Variants in USP3 observed in about 807,000 individuals in gnomAD.
USP3 encodes ubiquitin specific peptidase 3.
A neutral mutation model predicts 72.3 loss-of-function variants in USP3; 20 were observed. The observed-to-expected ratio is 0.28, with a 90% CI of 0.19 to 0.40. USP3 has a LOEUF of 0.40. Among genes scored for constraint, USP3 ranks in the 10% least tolerant of loss-of-function variants. USP3 has a pLI of 1.00. For synonymous variants in USP3, 222 were observed against 225.3 expected (o/e 0.99, Z 0.13); for missense variants, 479 against 633.9 (o/e 0.76, Z 2.62).
rs1353270594 is a variant in USP3, at chr15:63,544,688, C to T, written c.284+7532C>T. ...GACCGAATGAGGAATATTGTTTTGC[C>T]ATTAAATAAGTGAATAGTGCGAAAT... On this transcript the variant is annotated intron_variant, in intron 3 of 14. Coordinates refer to ENST00000380324, the MANE Select transcript of USP3 (RefSeq NM_006537.4). The surrounding 1 kb of genome is among the most constrained non-coding windows in gnomAD (Gnocchi z 4.2). The T allele has an allele frequency of 4.3e-6, 3 of 701,322 alleles. No homozygotes were observed. Among genetic ancestry groups the T allele is most frequent in the Non-Finnish European group, 7.8e-6 (3 of 384,474 alleles). The allele number at this position is 701,322 out of a possible 1,614,324, so 43.4% of individuals were successfully genotyped here.
intron 11 of USP3, among the ~76,000 whole-genome samples, chr15:63,581,737 C>T (rs2066967781): frequency 6.7e-6 from 1 of 150,304 alleles, no homozygotes; most frequent in Non-Finnish European, 1.5e-5. Context: ...CTCTGTTGCC[C>T]AGGCTAGAGT....
Position 63,570,292 on chromosome 15 carries a change from T to G in USP3, c.762-141T>G. 3 of 1,086,186 alleles carry G rather than the reference T, an allele frequency of 2.8e-6. No individual in the cohort carries two copies. The highest frequency in any genetic ancestry group is 3.9e-6 in the Non-Finnish European group (3 of 769,000). The allele number at this position is 1,086,186 out of a possible 1,614,324, so 67.3% of individuals were successfully genotyped here. A position where few individuals can be genotyped will look rare whatever the true frequency, so the allele number is the denominator to read the frequency against. ...AGAAATTCTGTCACCTGTGGAGCTT[T>G]CGGGCATGAAGGTGAGGAAGCCTGG... is the stretch of plus-strand genomic sequence containing the variant. On this transcript the variant is annotated intron_variant, in intron 8 of 14. Coordinates refer to ENST00000380324, the MANE Select transcript of USP3 (RefSeq NM_006537.4). This position sits in a 1 kb window ranked among gnomAD's most constrained non-coding sequence, Gnocchi z 4.4.
intron 3 of USP3, among the ~76,000 whole-genome samples, chr15:63,550,618 A>C (rs1451250441): frequency 6.6e-6 from 1 of 152,252 alleles, no homozygotes. Context: ...ATTAGGCATT[A>C]TCTCTTCTAA....
At chr15:63,516,370 A>C (rs2065850515) in intron 1 of USP3, among the ~76,000 whole-genome samples, 1 of 152,128 alleles carries the variant, frequency 6.6e-6, no homozygotes, top group Non-Finnish European at 1.5e-5. Context: ...GTTCTCTTAT[A>C]ATATTAGATC....
chr15:63,590,215 C>T (rs2067166354), intron 14 of USP3, among the ~76,000 whole-genome samples: 1 of 152,142 alleles, frequency 6.6e-6, no homozygotes, highest in African/African-American at 2.4e-5. Flanking sequence ...TCTGTTCTAG[C>T]TGCAGGCCTT....
rs1567114310 is a variant in USP3 at position 63,558,094 on chromosome 15, CA to C, written c.451-11del. On this transcript the variant is annotated splice_polypyrimidine_tract_variant and intron_variant, in intron 5 of 14. Coordinates refer to ENST00000380324, the MANE Select transcript of USP3 (RefSeq NM_006537.4). ...TGGCATTACTGATGGCCTCTTCTTG[CA>C]CCACTTACAGGGAAGCACCACTGCC... 6.2e-7 allele frequency: 1 copy of C among 1,614,040 alleles called. No homozygotes were observed. Among genetic ancestry groups the C allele is most frequent in the Admixed American group, 1.7e-5 (1 of 60,006 alleles).
At position 63,591,463 on chromosome 15, in the gene USP3, A is replaced by T. The variant is rs977468162; in HGVS notation, c.*637A>T. On this transcript the variant is annotated 3_prime_UTR_variant, in exon 15 of 15. Transcript: ENST00000380324. ...TCAGTTGTACTTGTCCTGCAAATAC[A>T]AGAATTACTCTCTTTGTTGGTTTTT... 6.6e-6 allele frequency: 1 copy of T among 152,246 alleles called. No individual in the cohort carries two copies. Among genetic ancestry groups the T allele is most frequent in the Non-Finnish European group, 1.5e-5 (1 of 68,064 alleles). The allele number at this position is 152,246 out of a possible 1,614,324, so 9.4% of individuals were successfully genotyped here.
chr15:63,585,855 T>C (rs2067050012), intron 11 of USP3, among the ~76,000 whole-genome samples: 1 of 151,638 alleles, frequency 6.6e-6, no homozygotes, highest in Non-Finnish European at 1.5e-5. Flanking sequence ...TTCTTCAATG[T>C]TGTATTTGCT....
At chr15:63,563,492 C>T (rs953189125) in intron 8 of USP3, among the ~76,000 whole-genome samples, 82 of 152,338 alleles carry the variant, frequency 5.4e-4, no homozygotes, top group African/African-American at 1.9e-3. Flanking sequence ...TGTGCCACAT[C>T]CCGGTGTGGC....
At chr15:63,530,434 T>C in intron 1 of USP3, 1 of 290,952 alleles carries the variant, frequency 3.4e-6, no homozygotes, top group South Asian at 2.6e-5. Flanking sequence ...CAATTGATCC[T>C]CCCACGTGGC....
At position 63,544,192 on chromosome 15, in the gene USP3, AATTT is replaced by A. The variant is rs1167430928; in HGVS notation, c.284+7040_284+7043del. ...ATAATTTAGATTTAATTGTATATAT[AATTT>A]ATTAATACAAATATATACATATATA... On this transcript the variant is annotated intron_variant, in intron 3 of 14. Transcript: ENST00000380324. The surrounding 1 kb of genome is among the most constrained non-coding windows in gnomAD (Gnocchi z 4.2). 1 of 148,758 alleles carries A rather than the reference AATTT, an allele frequency of 6.7e-6. No individual in the cohort carries two copies. Among genetic ancestry groups the A allele is most frequent in the African/African-American group, 2.4e-5 (1 of 40,930 alleles). The allele number at this position is 148,758 out of a possible 1,614,324, so 9.2% of individuals were successfully genotyped here.
At chr15:63,549,643 C>G (rs2066406819) in intron 3 of USP3, among the ~76,000 whole-genome samples, 2 of 152,142 alleles carry the variant, frequency 1.3e-5, no homozygotes, top group African/African-American at 4.8e-5. Flanking sequence ...TTATAAAAAT[C>G]TTCAATTTTA....
chr15:63,558,620 C>G (rs1040608794), intron 6 of USP3, among the ~76,000 whole-genome samples: 4 of 151,982 alleles, frequency 2.6e-5, no homozygotes, highest in Non-Finnish European at 5.9e-5. Flanking sequence ...GCCTGTAATC[C>G]CACCAGCACT....
In USP3 at chr15:63,529,861, A is replaced by T. The variant is rs1011321157; in HGVS notation, c.92-2786A>T. On this transcript the variant is annotated intron_variant, in intron 1 of 14. Coordinates refer to ENST00000380324, the MANE Select transcript of USP3 (RefSeq NM_006537.4). This position sits in a 1 kb window ranked among gnomAD's most constrained non-coding sequence, Gnocchi z 4.2. ...AAACTTGGGCCTAGGCCAGGTGCAG[A>T]GGCTCATACCTATAATCTGGGCACT... Among the ~76,000 whole-genome samples the T allele has an allele frequency of 1.3e-5, 2 of 152,218 alleles. No homozygotes were observed. The highest frequency in any genetic ancestry group is 1.3e-4 in the Admixed American group (2 of 15,278).
In USP3 at chr15:63,570,299, T is replaced by C; in HGVS notation, c.762-134T>C. ...CTGTCACCTGTGGAGCTTTCGGGCA[T>C]GAAGGTGAGGAAGCCTGGCTGTGCT... On this transcript the variant is annotated intron_variant, in intron 8 of 14. Transcript: ENST00000380324. The surrounding 1 kb of genome is among the most constrained non-coding windows in gnomAD (Gnocchi z 4.4). 1 of 1,143,512 alleles carries C rather than the reference T, an allele frequency of 8.7e-7. No homozygotes were observed. The allele number at this position is 1,143,512 out of a possible 1,614,324, so 70.8% of individuals were successfully genotyped here.
intron 9 of USP3, among the ~76,000 whole-genome samples, chr15:63,571,090 C>G (rs2066771383): frequency 6.6e-6 from 1 of 152,070 alleles, no homozygotes; most frequent in African/African-American, 2.4e-5. Context: ...TAAAACAAAG[C>G]TTTTGGATTG....
At position 63,529,044 on chromosome 15, in the gene USP3, T is replaced by A. The variant is rs778252409; in HGVS notation, c.92-3603T>A. ...AAATGTTTATCTGGTGTGACTGTAT[T>A]ATGCCCTCAGAGAGTACTGTATGTT... On this transcript the variant is annotated intron_variant, in intron 1 of 14. Transcript: ENST00000380324. The surrounding 1 kb of genome is among the most constrained non-coding windows in gnomAD (Gnocchi z 4.2). 3.9e-6 allele frequency: 5 copies of A among 1,288,968 alleles called. No homozygotes were observed. The African/African-American group carries it at 7.6e-5, about 20-fold the overall frequency. The allele number at this position is 1,288,968 out of a possible 1,614,324, so 79.8% of individuals were successfully genotyped here.
intron 1 of USP3, among the ~76,000 whole-genome samples, chr15:63,522,914 T>A (rs1360802493): frequency 6.6e-6 from 1 of 152,246 alleles, no homozygotes; most frequent in African/African-American, 2.4e-5. Context: ...TTCTGAATAC[T>A]TCTGAGTTTG....
chr15:63,546,652 T>C (rs918646897), intron 3 of USP3, among the ~76,000 whole-genome samples: 5 of 152,196 alleles, frequency 3.3e-5, no homozygotes, highest in Non-Finnish European at 7.3e-5. Flanking sequence ...CAGGCTGGAA[T>C]GCAGTGGCCT....
Sources: gnomAD v4.1 joint callset for allele counts (sites outside exome capture counted in the v4.1 genomes callset) on GRCh38, gnomAD v4.1.1 for gene constraint, Gnocchi (gnomAD v3.1) non-coding constraint, MANE v1.5 for transcripts, NCBI Gene and HGNC (gene_info 2026-07-23, HGNC 2026-07-21) for gene names.